Variants in FOXO1 observed in about 807,000 individuals in gnomAD.
FOXO1 encodes forkhead box O1.
Under a neutral mutation model 44.1 loss-of-function variants are expected in FOXO1, and 6 were observed. The ratio of observed to expected loss-of-function variants is 0.14; its 90% CI spans 0.07 to 0.27. The LOEUF is 0.27. FOXO1 is among the 10% of genes least tolerant of loss of function. The pLI is 1.00. For synonymous variants in FOXO1, 380 were observed against 362.7 expected (o/e 1.05, Z -0.54); for missense variants, 737 against 888.8 (o/e 0.83, Z 2.17).
intron 1 of FOXO1, among the ~76,000 whole-genome samples, chr13:40,628,217 G>A (rs962165739): frequency 2.0e-5 from 3 of 152,036 alleles, no homozygotes; most frequent in Non-Finnish European, 4.4e-5. Flanking sequence ...GGGGGCAGGA[G>A]TAAACTTTTC....
chr13:40,578,263 A>G (rs1874835518), intron 1 of FOXO1, among the ~76,000 whole-genome samples: 1 of 152,138 alleles, frequency 6.6e-6, no homozygotes, highest in Admixed American at 6.5e-5. Context: ...CTAAGCCAAT[A>G]AACTCTGCAG....
chr13:40,625,671 A>G (rs1455184785), intron 1 of FOXO1, among the ~76,000 whole-genome samples: 2 of 151,852 alleles, frequency 1.3e-5, no homozygotes, highest in Non-Finnish European at 2.9e-5. Context: ...AAAAAAAAAA[A>G]AAGTTTAATT....
intron 1 of FOXO1, among the ~76,000 whole-genome samples, chr13:40,609,686 C>T (rs762920014): frequency 9.3e-4 from 142 of 152,216 alleles, no homozygotes; most frequent in Middle Eastern, 6.8e-3. Context: ...TTCAAACTCA[C>T]GCCTAAAGAA....
At chr13:40,611,788 T>C (rs954120837) in intron 1 of FOXO1, among the ~76,000 whole-genome samples, 1 of 152,134 alleles carries the variant, frequency 6.6e-6, no homozygotes, top group Admixed American at 6.5e-5. Flanking sequence ...CCCTAAAACC[T>C]AGGCTGGGCA....
At position 40,560,291 on chromosome 13, in the gene FOXO1, C is replaced by G. The variant is rs1248916262; in HGVS notation, c.1200G>C (p.Gln400His). ...GCGCAAACGAGTAGCACGGCGTCTG[C>G]TGCATCATGGTGCCAGGTGAGGACT... ...STQSSPGTMM[Q>H]QTPCYSFAPP... Residue 400 changes from glutamine (Q) to histidine (H), a missense_variant, in exon 2 of 3, where the codon CAG becomes CAC. Around this residue, in one of 7 missense-constraint regions of FOXO1, gnomAD observed 283 missense variants for 278.1 expected, o/e 1.02. Transcript: ENST00000379561. This position sits in a 1 kb window ranked among gnomAD's most constrained non-coding sequence, Gnocchi z 5.1. The G allele has an allele frequency of 6.2e-7, 1 of 1,614,184 alleles. No individual in the cohort carries two copies. Among genetic ancestry groups the G allele is most frequent in the Non-Finnish European group, 8.5e-7 (1 of 1,180,044 alleles).
At chr13:40,611,960 G>A (rs1446676031) in intron 1 of FOXO1, among the ~76,000 whole-genome samples, 2 of 152,104 alleles carry the variant, frequency 1.3e-5, no homozygotes, top group African/African-American at 4.8e-5. Context: ...TTTAGTCTCA[G>A]CCACTGAGGA....
At chr13:40,614,569 C>T (rs1409932440) in intron 1 of FOXO1, among the ~76,000 whole-genome samples, 5 of 152,266 alleles carry the variant, frequency 3.3e-5, no homozygotes, top group South Asian at 4.1e-4. Flanking sequence ...CTGAGAACAA[C>T]GCCAGCAACT....
chr13:40,613,768 G>A (rs957678700), intron 1 of FOXO1, among the ~76,000 whole-genome samples: 9 of 152,206 alleles, frequency 5.9e-5, no homozygotes, highest in Non-Finnish European at 2.9e-5. Flanking sequence ...CCCTCCAGCT[G>A]ACTGCCTAGC....
chr13:40,559,532 C>T lies in FOXO1; in HGVS notation c.1959G>A (p.Val653=), dbSNP rs1464918164. Reference sequence around the variant, plus strand: ...ACCTGCTCACTAACCCTCAGCCTGACACCCAGCTATGTGTCGTTGTCTTGA... The same window carrying T: ...ACCTGCTCACTAACCCTCAGCCTGATACCCAGCTATGTGTCGTTGTCTTGA... ...HSVKTTTHSW[V]SG The change falls in exon 2 of 3, where the codon GTG becomes GTA. Residue 653 remains valine (V), a synonymous_variant. Transcript: ENST00000379561. The T allele has an allele frequency of 1.3e-6, 2 of 1,594,018 alleles. No individual in the cohort carries two copies. The highest frequency in any genetic ancestry group is 8.6e-7 in the Non-Finnish European group (1 of 1,167,958).
At chr13:40,622,896 A>C (rs1876662618) in intron 1 of FOXO1, among the ~76,000 whole-genome samples, 1 of 152,210 alleles carries the variant, frequency 6.6e-6, no homozygotes, top group African/African-American at 2.4e-5. Context: ...AGTAAGAAAC[A>C]ACTCCAGACA....
At chr13:40,633,253 G>C (rs1183209860) in intron 1 of FOXO1, among the ~76,000 whole-genome samples, 1 of 152,070 alleles carries the variant, frequency 6.6e-6, no homozygotes, top group East Asian at 1.9e-4. Context: ...TCATTCCTAG[G>C]TATATACCCA....
chr13:40,570,876 G>A (rs1026223834), intron 1 of FOXO1, among the ~76,000 whole-genome samples: 2 of 152,176 alleles, frequency 1.3e-5, no homozygotes, highest in African/African-American at 4.8e-5. Context: ...AAACAATCCA[G>A]GTGAGGCAGA....
chr13:40,621,382 T>G, intron 1 of FOXO1: 2 of 354,106 alleles, frequency 5.6e-6, no homozygotes, highest in Non-Finnish European at 1.0e-5. Context: ...TATTGTATTT[T>G]AGTAGAACTG....
intron 1 of FOXO1, among the ~76,000 whole-genome samples, chr13:40,662,158 G>C (rs955873643): frequency 2.6e-5 from 3 of 114,002 alleles, no homozygotes; most frequent in Non-Finnish European, 5.0e-5. Flanking sequence ...GCAACAGAGT[G>C]AGACTCTGAC....
At chr13:40,653,127 G>A (rs1186027386) in intron 1 of FOXO1, among the ~76,000 whole-genome samples, 1 of 151,888 alleles carries the variant, frequency 6.6e-6, no homozygotes, top group African/African-American at 2.4e-5. Context: ...GCACCACCAC[G>A]CCTGGCTAAT....
intron 1 of FOXO1, among the ~76,000 whole-genome samples, chr13:40,659,475 T>C (rs1877969184): frequency 6.6e-6 from 1 of 151,956 alleles, no homozygotes; most frequent in Non-Finnish European, 1.5e-5. Context: ...TTTTTTTTTT[T>C]TCCTGTAATG....
chr13:40,619,688 C>T, intron 1 of FOXO1: 1 of 1,338,084 alleles, frequency 7.5e-7, no homozygotes, highest in Non-Finnish European at 1.1e-6. Flanking sequence ...ATTCTAAGGA[C>T]TAGGCTTGCT....
intron 2 of FOXO1, among the ~76,000 whole-genome samples, 196 bp from the exon 3 acceptor site, chr13:40,559,230 T>C (rs918380701): frequency 6.6e-6 from 1 of 152,194 alleles, no homozygotes; most frequent in African/African-American, 2.4e-5. Flanking sequence ...GCATTTGATT[T>C]ATATCAAATG....
intron 1 of FOXO1, among the ~76,000 whole-genome samples, chr13:40,592,630 T>C (rs1387086063): frequency 6.6e-6 from 1 of 152,242 alleles, no homozygotes; most frequent in African/African-American, 2.4e-5. Flanking sequence ...TGTAAGCTCC[T>C]GAAGATCTAA....
Sources: gnomAD v4.1 joint callset for allele counts (sites outside exome capture counted in the v4.1 genomes callset) on GRCh38, gnomAD v4.1.1 for gene constraint, gnomAD v4.1.1 regional missense constraint, Gnocchi (gnomAD v3.1) non-coding constraint, MANE v1.5 for transcripts, NCBI Gene and HGNC (gene_info 2026-07-23, HGNC 2026-07-21) for gene names.